The following DNAH11 variants were observed in gnomAD, a reference collection of about 807,000 sequenced individuals.
The protein encoded by DNAH11 is dynein axonemal heavy chain 11.
DNAH11 carries 442 observed loss-of-function variants against 526.0 expected under a neutral mutation model. That is an observed-to-expected ratio of 0.84 (90% CI 0.78 to 0.91). DNAH11 has a LOEUF of 0.91. Ranked by LOEUF, DNAH11 falls within the 40% of genes least tolerant of loss-of-function variation. The probability of loss-of-function intolerance (pLI) is 0.00; values close to 1 mark genes in which losing one functional copy is unlikely to be tolerated. For missense variants in DNAH11, 6,989 were observed against 5,448.7 expected, an observed-to-expected ratio of 1.28 and a Z score of -8.90; for synonymous variants, 2,461 against 1,935.9, an observed-to-expected ratio of 1.27 and a Z score of -7.12.
At position 21,724,378 on chromosome 7, in the gene DNAH11, G is replaced by A. The variant is rs115169040; in HGVS notation, c.7267-1433G>A. ...GGGGCAAGCTCTCCCTGCAAACACCGATCACCTCCTTCTGCCCAGTTTATA... is the reference window on the plus strand; with the variant it reads ...GGGGCAAGCTCTCCCTGCAAACACCAATCACCTCCTTCTGCCCAGTTTATA... On this transcript the variant is annotated intron_variant, in intron 44 of 81. Coordinates refer to ENST00000409508, the MANE Select transcript of DNAH11 (RefSeq NM_001277115.2). 6.8e-3 allele frequency among the ~76,000 whole-genome samples: 1,042 copies of A among 152,320 alleles called. 16 individuals are homozygous for A. The highest frequency in any genetic ancestry group is 0.024 in the African/African-American group (984 of 41,562).
At chr7:21,705,632 C>A in intron 39 of DNAH11, 95 bp downstream of exon 39, 1 of 1,165,072 alleles carries the variant, frequency 8.6e-7, no homozygotes, top group East Asian at 2.6e-5. Context: ...AAGAATTCCC[C>A]TCCATGAAGC....
chr7:21,706,311 A>G (rs1047059539), intron 39 of DNAH11, among the ~76,000 whole-genome samples: 3 of 152,074 alleles, frequency 2.0e-5, no homozygotes, highest in Admixed American at 2.0e-4. Flanking sequence ...AACTGCATGC[A>G]TTTTAATTCA....
chr7:21,572,197 A>G (rs367581305), intron 8 of DNAH11, among the ~76,000 whole-genome samples: 6 of 152,360 alleles, frequency 3.9e-5, no homozygotes, highest in African/African-American at 1.4e-4. Context: ...ATAAAACTGC[A>G]GACCTCAGTC....
chr7:21,586,415 GC>G (rs1784479958), intron 9 of DNAH11, among the ~76,000 whole-genome samples: 1 of 152,174 alleles, frequency 6.6e-6, no homozygotes, highest in South Asian at 2.1e-4. Flanking sequence ...TTGCTAGGTA[GC>G]CCCGAGTAGT....
At position 21,638,799 on chromosome 7, in the gene DNAH11, T is replaced by TA. The variant is rs1786986889; in HGVS notation, c.4818-134dup. ...GTCATAAGCAAGATAGATGATGGTG[T>TA]AAAAAAGAAGGAAGTAAGCTACCTG... On this transcript the variant is annotated intron_variant, in intron 27 of 81. Transcript: ENST00000409508. 9.1e-6 allele frequency: 9 copies of TA among 989,422 alleles called. No individual in the cohort carries two copies. The South Asian group carries it at 1.5e-4, about 17-fold the overall frequency. The allele number at this position is 989,422 out of a possible 1,614,324, so 61.3% of individuals were successfully genotyped here.
chr7:21,781,242 A>G, intron 57 of DNAH11, among the ~76,000 whole-genome samples: 1 of 152,222 alleles, frequency 6.6e-6, no homozygotes, highest in Non-Finnish European at 1.5e-5. Flanking sequence ...CTCACAAAGT[A>G]CACAGCCACG....
chr7:21,685,745 C>G (rs1004063713), intron 32 of DNAH11, among the ~76,000 whole-genome samples: 2 of 152,102 alleles, frequency 1.3e-5, no homozygotes, highest in Admixed American at 1.3e-4. Context: ...ATCTCACTGT[C>G]CAGAGGTACA....
In DNAH11 at chr7:21,561,225, G is replaced by T. The variant is rs975638091; in HGVS notation, c.982+55G>T. 2.3e-6 allele frequency: 3 copies of T among 1,298,056 alleles called. No homozygotes were observed. The African/African-American group carries it at 4.4e-5, about 19-fold the overall frequency. 80.4% of individuals were successfully genotyped at this position (1,298,056 alleles called of 1,614,324 possible). ...AATATCACCATCTGCTCATGATCCA[G>T]CCCCTGCCTGCTCGGCCTTGATATT... On this transcript the variant is annotated intron_variant, in intron 5 of 81. Coordinates refer to ENST00000409508, the MANE Select transcript of DNAH11 (RefSeq NM_001277115.2).
chr7:21,621,206 A>G (rs903904327), intron 25 of DNAH11, among the ~76,000 whole-genome samples: 8 of 152,192 alleles, frequency 5.3e-5, no homozygotes, highest in Admixed American at 5.2e-4. Context: ...CTATGCAAAT[A>G]AACTAGAAAA....
In DNAH11 at chr7:21,900,107, A is replaced by G. The variant is rs762023713; in HGVS notation, c.13290A>G (p.Gly4430=). Reference sequence around the variant, plus strand: ...CAAGGGAAGGTGCATACCTCCACGGACTCTTCATGGAGGGTAAGACACCCC... The same window carrying G: ...CAAGGGAAGGTGCATACCTCCACGGGCTCTTCATGGAGGGTAAGACACCCC... ...HPPREGAYLH[G]LFMEGARWDT... Residue 4430 remains glycine, a synonymous_variant, in exon 81 of 82, where the codon GGA becomes GGG. Transcript: ENST00000409508. 6 of 1,613,224 alleles carry G rather than the reference A, an allele frequency of 3.7e-6. No individual in the cohort carries two copies. In the South Asian group the frequency reaches 6.6e-5, roughly 18 times the overall value.
chr7:21,827,923 C>G (rs998117456), intron 65 of DNAH11, among the ~76,000 whole-genome samples: 1 of 151,672 alleles, frequency 6.6e-6, no homozygotes, highest in Non-Finnish European at 1.5e-5. Flanking sequence ...CTTTCTTGAG[C>G]TGGAAGCTTA....
intron 75 of DNAH11, among the ~76,000 whole-genome samples, chr7:21,884,034 C>G (rs927209573): frequency 1.3e-5 from 2 of 148,650 alleles, no homozygotes; most frequent in African/African-American, 2.5e-5. Context: ...CAAAGCCAGA[C>G]CTCATCTCTT....
chr7:21,880,857 C>G lies in DNAH11; in HGVS notation c.12351C>G (p.Ala4117=). The change falls in exon 75 of 82, where the codon GCC becomes GCG. Residue 4117 remains alanine (A), a synonymous_variant. Coordinates refer to ENST00000409508, the MANE Select transcript of DNAH11 (RefSeq NM_001277115.2). ...ATCCTGGAGACCTCACCATTTGTGC[C>G]AGTGTCCTCTACAACTACTTAGAGG... ...PFNPGDLTIC[A]SVLYNYLEAN... 6.2e-7 allele frequency: 1 copy of G among 1,613,224 alleles called. No homozygotes were observed. The highest frequency in any genetic ancestry group is 1.3e-5 in the African/African-American group (1 of 74,998).
At chr7:21,606,391 GAAGTAATT>G in intron 18 of DNAH11, 27 bp from the exon 19 acceptor site, 1 of 1,485,364 alleles carries the variant, frequency 6.7e-7, no homozygotes, top group Non-Finnish European at 9.3e-7. Flanking sequence ...TTTAGGAATT[GAAGTAATT>G]TCGCATTTGT....
chr7:21,769,697 C>T (rs996603234), intron 55 of DNAH11, among the ~76,000 whole-genome samples: 6 of 152,066 alleles, frequency 3.9e-5, no homozygotes, highest in African/African-American at 1.4e-4. Flanking sequence ...GTTGCCCAGG[C>T]TGGTCTCAAA....
At chr7:21,549,495 T>TG (rs1038152407) in intron 2 of DNAH11, among the ~76,000 whole-genome samples, 2 of 152,190 alleles carry the variant, frequency 1.3e-5, no homozygotes, top group South Asian at 2.1e-4. Context: ...CCCAGGCAAA[T>TG]GGGGGGGTTG....
chr7:21,633,891 A>C (rs1330222359), intron 25 of DNAH11, among the ~76,000 whole-genome samples: 3 of 152,330 alleles, frequency 2.0e-5, no homozygotes, highest in South Asian at 4.1e-4. Flanking sequence ...GAATGACAGG[A>C]TGTCTCTACC....
At chr7:21,631,845 C>T (rs1333220353) in intron 25 of DNAH11, among the ~76,000 whole-genome samples, 1 of 152,138 alleles carries the variant, frequency 6.6e-6, no homozygotes, top group Non-Finnish European at 1.5e-5. Context: ...AGGACAGTGG[C>T]CCTCTTCTCA....
chr7:21,552,914 C>A (rs370940324), intron 2 of DNAH11, among the ~76,000 whole-genome samples: 6 of 152,166 alleles, frequency 3.9e-5, no homozygotes, highest in African/African-American at 1.4e-4. Flanking sequence ...TTGATACATA[C>A]CCCTTAGATA....
Sources: allele counts gnomAD v4.1 joint callset (sites outside exome capture counted in the v4.1 genomes callset), GRCh38; gene constraint gnomAD v4.1.1; transcripts MANE v1.5; gene names NCBI Gene and HGNC (gene_info 2026-07-23, HGNC 2026-07-21).